The following NUDT7 variants were observed in gnomAD, a reference collection of about 807,000 sequenced individuals.
The protein encoded by NUDT7 is nudix hydrolase 7.
Under a neutral mutation model 13.1 loss-of-function variants are expected in NUDT7, and 19 were observed. The ratio of observed to expected loss-of-function variants is 1.45; its 90% CI spans 1.01 to 2.13. The LOEUF is 2.13. NUDT7 is among the 30% of genes most tolerant of loss of function. The pLI, the probability that NUDT7 is intolerant of heterozygous loss-of-function variation, is 0.00. For synonymous variants in NUDT7, 132 were observed against 109.7 expected, an observed-to-expected ratio of 1.20 and a Z score of -1.27; for missense variants, 360 against 291.7, an observed-to-expected ratio of 1.23 and a Z score of -1.71.
chr16:77,740,624 A>G (rs1371720737), intron 3 of NUDT7, among the ~76,000 whole-genome samples: 1 of 151,998 alleles, frequency 6.6e-6, no homozygotes, highest in South Asian at 2.1e-4. Flanking sequence ...GCTCACTGCA[A>G]TCTATCTCCG....
chr16:77,739,535 GC>G (rs1454048033), intron 3 of NUDT7, among the ~76,000 whole-genome samples: 1 of 152,114 alleles, frequency 6.6e-6, no homozygotes, highest in Non-Finnish European at 1.5e-5. Flanking sequence ...TACTTTCATT[GC>G]CATCTTGGTT....
At chr16:77,725,305 A>G (rs2014094906) in intron 1 of NUDT7, 126 bp from the exon 2 acceptor site, 1 of 784,314 alleles carries the variant, frequency 1.3e-6, no homozygotes, top group African/African-American at 1.7e-5. Flanking sequence ...GTTATTGAAA[A>G]ATACACAGAG....
intron 3 of NUDT7, 179 bp from the exon 4 acceptor site, chr16:77,741,403 A>AG (rs1337275298): frequency 3.4e-6 from 2 of 581,226 alleles, no homozygotes; most frequent in Non-Finnish European, 3.0e-6. Flanking sequence ...ATGTCACCTC[A>AG]GGTAGAGCAG....
chr16:77,735,623 A>T, intron 2 of NUDT7: 1 of 603,962 alleles, frequency 1.7e-6, no homozygotes, highest in South Asian at 2.1e-5. Flanking sequence ...AATAGAATAA[A>T]AGTTAGCAGT....
In NUDT7 at chr16:77,726,017, A is replaced by G. The variant is rs375163074; in HGVS notation, c.189+433A>G. ...GCACACACACCACAAATGTCTTCAG[A>G]ATTGCCTACTATCCTGGCAGGATTG... is the stretch of plus-strand genomic sequence containing the variant. On this transcript the variant is annotated intron_variant, in intron 2 of 3. Coordinates refer to ENST00000268533, the MANE Select transcript of NUDT7 (RefSeq NM_001105663.3). 5.3e-5 allele frequency among the ~76,000 whole-genome samples: 8 copies of G among 152,326 alleles called. No homozygotes were observed. The East Asian group carries it at 7.7e-4, about 15-fold the overall frequency.
intron 2 of NUDT7, among the ~76,000 whole-genome samples, chr16:77,731,871 G>T (rs889353298): frequency 1.5e-4 from 23 of 152,080 alleles, no homozygotes; most frequent in Middle Eastern, 3.4e-3. Context: ...CTTAAAAATA[G>T]AAAAAAGCTT....
chr16:77,724,143 C>A (rs1255308675), intron 1 of NUDT7, among the ~76,000 whole-genome samples: 2 of 152,194 alleles, frequency 1.3e-5, no homozygotes, highest in South Asian at 2.1e-4. Flanking sequence ...CTTTCCTTGC[C>A]TCTTCCAGTT....
intron 3 of NUDT7, among the ~76,000 whole-genome samples, chr16:77,737,755 G>A (rs11643016): frequency 0.081 from 12,273 of 152,188 alleles, 678 homozygotes; most frequent in Admixed American, 0.13. Context: ...AAAGTGCTCG[G>A]ACTATAGACG....
At position 77,723,428 on chromosome 16, in the gene NUDT7, A is replaced by G. The variant is rs75519755; in HGVS notation, c.35+811A>G. On this transcript the variant is annotated intron_variant, in intron 1 of 3. Coordinates refer to ENST00000268533, the MANE Select transcript of NUDT7 (RefSeq NM_001105663.3). The stretch of plus-strand genomic sequence containing the variant: ...AAAAAATAGCAAATACCTCCTGCAA[A>G]CAACTGCTTATCTAATGATGGGGAG... Among the ~76,000 whole-genome samples the G allele has an allele frequency of 4.1e-3, 626 of 152,200 alleles. 3 individuals carry two copies. Among genetic ancestry groups the G allele is most frequent in the South Asian group, 0.011 (51 of 4,806 alleles).
At chr16:77,734,152 G>A (rs2014404204) in intron 2 of NUDT7, among the ~76,000 whole-genome samples, 1 of 152,090 alleles carries the variant, frequency 6.6e-6, no homozygotes, top group Non-Finnish European at 1.5e-5. Flanking sequence ...TAGCTCCAGG[G>A]CCTATATTTT....
intron 2 of NUDT7, among the ~76,000 whole-genome samples, chr16:77,730,595 A>T (rs1009173422): frequency 1.3e-5 from 2 of 152,170 alleles, no homozygotes; most frequent in East Asian, 3.9e-4. Flanking sequence ...CCTCTTCGAT[A>T]TACTGATTTC....
chr16:77,734,133 C>T (rs74026805), intron 2 of NUDT7, among the ~76,000 whole-genome samples: 2,192 of 152,148 alleles, frequency 0.014, 53 homozygotes, highest in African/African-American at 0.05. Flanking sequence ...GATGCCAACA[C>T]AATGCTAATA....
intron 3 of NUDT7, among the ~76,000 whole-genome samples, chr16:77,739,624 C>G (rs990667157): frequency 6.6e-6 from 1 of 152,130 alleles, no homozygotes; most frequent in African/African-American, 2.4e-5. Context: ...ACTAAGCATG[C>G]CCTAACCTCC....
rs1399375332 is a variant in NUDT7 at position 77,727,415 on chromosome 16, C to A, written c.189+1831C>A. Among the ~76,000 whole-genome samples, 4 of 68,080 alleles carry A rather than the reference C, an allele frequency of 5.9e-5. No homozygotes were observed. In the Admixed American group the frequency reaches 6.0e-4, roughly 10 times the overall value. The allele number at this position is 68,080 out of a possible 152,430, so 44.7% of individuals were successfully genotyped here. On this transcript the variant is annotated intron_variant, in intron 2 of 3. Transcript: ENST00000268533. ...TAGACTTGTGTGGATTGTGTTCGGT[C>A]TGAGCCAGGCAGAAATGCCGTGAAC...
At chr16:77,727,433 C>G (rs548250395) in intron 2 of NUDT7, among the ~76,000 whole-genome samples, 171 of 152,122 alleles carry the variant, frequency 1.1e-3, no homozygotes, top group African/African-American at 3.7e-3. Context: ...GGCAGAAATG[C>G]CGTGAACTCA....
At chr16:77,740,148 A>G (rs928457641) in intron 3 of NUDT7, among the ~76,000 whole-genome samples, 8 of 152,278 alleles carry the variant, frequency 5.3e-5, no homozygotes, top group African/African-American at 1.7e-4. Context: ...GGGTAACTTA[A>G]TGACCCCAAA....
chr16:77,740,320 G>C (rs1185411384), intron 3 of NUDT7, among the ~76,000 whole-genome samples: 1 of 152,076 alleles, frequency 6.6e-6, no homozygotes, highest in Non-Finnish European at 1.5e-5. Flanking sequence ...AGGCCGGATA[G>C]GTCCCAGCCT....
intron 2 of NUDT7, among the ~76,000 whole-genome samples, chr16:77,726,023 C>A (rs1000569351): frequency 1.3e-5 from 2 of 152,184 alleles, no homozygotes; most frequent in African/African-American, 4.8e-5. Flanking sequence ...TCAGAATTGC[C>A]TACTATCCTG....
chr16:77,735,002 G>A (rs552070966), intron 2 of NUDT7, among the ~76,000 whole-genome samples: 11 of 152,114 alleles, frequency 7.2e-5, no homozygotes, highest in African/African-American at 2.2e-4. Flanking sequence ...ATTTCACCTC[G>A]TTCAAAAATT....
Sources: allele counts gnomAD v4.1 joint callset (sites outside exome capture counted in the v4.1 genomes callset), GRCh38; gene constraint gnomAD v4.1.1; transcripts MANE v1.5; gene names NCBI Gene and HGNC (gene_info 2026-07-23, HGNC 2026-07-21).